TENM2: variants seen among roughly 807,000 people sequenced by gnomAD.
TENM2 encodes teneurin transmembrane protein 2, also known as teneurin-2.
A neutral mutation model predicts 245.2 loss-of-function variants in TENM2; 52 were observed. The ratio of observed to expected loss-of-function variants is 0.21; its 90% CI spans 0.17 to 0.27. TENM2 has a LOEUF of 0.27. TENM2 is among the 10% of genes least tolerant of loss of function. The pLI, the probability that TENM2 is intolerant of heterozygous loss-of-function variation, is 1.00. For synonymous variants in TENM2, 1,363 were observed against 1,438.9 expected (o/e 0.95, Z 1.19); for missense variants, 3,046 against 3,666.8 (o/e 0.83, Z 4.37).
chr5:167,645,714 A>G (rs1779883490), intron 2 of TENM2, among the ~76,000 whole-genome samples: 1 of 151,938 alleles, frequency 6.6e-6, no homozygotes, highest in Non-Finnish European at 1.5e-5. Flanking sequence ...ACAGTATGCT[A>G]TCAATGTTAG....
chr5:167,800,031 C>T (rs1765594375), intron 2 of TENM2, among the ~76,000 whole-genome samples: 1 of 152,170 alleles, frequency 6.6e-6, no homozygotes, highest in Non-Finnish European at 1.5e-5. Flanking sequence ...TCAGTGTTAC[C>T]ACCCAGTGTT....
At chr5:167,901,155 C>T in intron 3 of TENM2, among the ~76,000 whole-genome samples, 1 of 152,024 alleles carries the variant, frequency 6.6e-6, no homozygotes, top group East Asian at 1.9e-4. Context: ...CACTGTTACC[C>T]TTTTGATATA....
chr5:167,376,059 C>T (rs1760730201), intron 2 of TENM2, among the ~76,000 whole-genome samples: 1 of 152,052 alleles, frequency 6.6e-6, no homozygotes, highest in Non-Finnish European at 1.5e-5. Flanking sequence ...TAATGGTTTC[C>T]CCCATCTTCT....
At chr5:168,109,875 A>C (rs1794536349) in intron 9 of TENM2, among the ~76,000 whole-genome samples, 1 of 152,098 alleles carries the variant, frequency 6.6e-6, no homozygotes. Context: ...GTTGCAGTGC[A>C]CATTATTTGG....
chr5:168,068,230 G>A (rs1180440958), intron 7 of TENM2, among the ~76,000 whole-genome samples: 1 of 152,154 alleles, frequency 6.6e-6, no homozygotes, highest in African/African-American at 2.4e-5. Context: ...GGGCACCATG[G>A]ATGTTTTACA....
chr5:167,007,322 A>T, the TENM2 span, among the ~76,000 whole-genome samples: 2 of 152,210 alleles, frequency 1.3e-5, no homozygotes, highest in African/African-American at 2.4e-5. The surrounding 1 kb of genome is among the most constrained non-coding windows in gnomAD (Gnocchi z 4.2). Flanking sequence ...TGCTTACTCC[A>T]AGGAAATATT....
rs556202412 is a variant in TENM2, at chr5:167,631,049, C to T, written c.503-244937C>T. On this transcript the variant is annotated intron_variant, in intron 2 of 28. Transcript: ENST00000518659. ...TGGCAGTTATACATTGAGTGTCTAC[C>T]GTGTGCGATATGCTTGTGCCTTTGG... Among the ~76,000 whole-genome samples the T allele has an allele frequency of 5.9e-5, 9 of 152,168 alleles. No individual in the cohort carries two copies. In the East Asian group the frequency reaches 9.7e-4, roughly 16 times the overall value.
rs75476829 is a variant in TENM2 at position 167,872,574 on chromosome 5, G to GAAAGA, written c.503-3409_503-3405dup. On this transcript the variant is annotated intron_variant, in intron 2 of 28. Coordinates refer to ENST00000518659, the Ensembl canonical transcript of TENM2. ...AGAAAGAAAGAAAGAAAGAAAGAAA[G>GAAAGA]AAAGAAAGAGTATACCATTTGCTGG... Among the ~76,000 whole-genome samples the GAAAGA allele has an allele frequency of 2.5e-4, 10 of 39,330 alleles. 1 individual carries two copies. Among genetic ancestry groups the GAAAGA allele is most frequent in the Non-Finnish European group, 1.1e-3 (9 of 8,050 alleles). The allele number at this position is 39,330 out of a possible 152,430, so 25.8% of individuals were successfully genotyped here.
At chr5:167,374,011 C>G (rs184246596) in intron 1 of TENM2, among the ~76,000 whole-genome samples, 1 of 152,264 alleles carries the variant, frequency 6.6e-6, no homozygotes, top group Non-Finnish European at 1.5e-5. Flanking sequence ...TAAGTGAGGC[C>G]AACTTGTGGC....
chr5:167,338,135 T>G (rs1176347930), intron 1 of TENM2, among the ~76,000 whole-genome samples: 2 of 152,258 alleles, frequency 1.3e-5, no homozygotes, highest in African/African-American at 4.8e-5. Flanking sequence ...GTATCTGGAT[T>G]ATATGCCCAC....
At chr5:168,034,089 A>ATGTG (rs1289242589) in intron 5 of TENM2, among the ~76,000 whole-genome samples, 1 of 141,026 alleles carries the variant, frequency 7.1e-6, no homozygotes, top group Admixed American at 7.1e-5. Context: ...ATACATATAT[A>ATGTG]TGTGTATATA....
At chr5:167,078,918 G>C in the TENM2 span, among the ~76,000 whole-genome samples, 1 of 152,040 alleles carries the variant, frequency 6.6e-6, no homozygotes, top group Non-Finnish European at 1.5e-5. Flanking sequence ...ATGCTTGGGG[G>C]CCATGTTAGA....
At chr5:168,148,863 T>C (rs1756354357) in intron 12 of TENM2, among the ~76,000 whole-genome samples, 1 of 148,380 alleles carries the variant, frequency 6.7e-6, no homozygotes, top group South Asian at 2.2e-4. Context: ...TAAATAAATA[T>C]AAATATATAT....
At chr5:168,197,336 T>C (rs1384679400) in intron 15 of TENM2, among the ~76,000 whole-genome samples, 1 of 152,178 alleles carries the variant, frequency 6.6e-6, no homozygotes, top group Non-Finnish European at 1.5e-5. Context: ...GTTTTTACTG[T>C]GATCCAAGTA....
chr5:167,360,850 A>G (rs753284196), intron 1 of TENM2, among the ~76,000 whole-genome samples: 3 of 152,178 alleles, frequency 2.0e-5, no homozygotes, highest in Non-Finnish European at 4.4e-5. Flanking sequence ...CTATCAAACC[A>G]TAAGTAGTGG....
chr5:167,346,715 C>T (rs140362595), intron 1 of TENM2, among the ~76,000 whole-genome samples: 18 of 152,140 alleles, frequency 1.2e-4, no homozygotes, highest in African/African-American at 3.9e-4. Context: ...CAGTTTTGTA[C>T]GCACAGCAAG....
chr5:167,690,920 AGTATGTGTGT>A (rs1312658053), intron 2 of TENM2, among the ~76,000 whole-genome samples: 2,314 of 136,524 alleles, frequency 0.017, 27 homozygotes, highest in East Asian at 0.04. Context: ...CGTATATGCG[AGTATGTGTGT>A]GTGTGTGTGT....
chr5:167,918,610 A>T (rs898972739), intron 3 of TENM2, among the ~76,000 whole-genome samples: 3 of 152,152 alleles, frequency 2.0e-5, no homozygotes, highest in Non-Finnish European at 4.4e-5. Context: ...ACTGCCAGGG[A>T]GGGAGACAGG....
At chr5:167,259,711 C>A in the TENM2 span, among the ~76,000 whole-genome samples, 1 of 152,092 alleles carries the variant, frequency 6.6e-6, no homozygotes, top group East Asian at 1.9e-4. Context: ...AACTTGAATT[C>A]ATCTTCTCCT....
Sources: allele counts gnomAD v4.1 joint callset (sites outside exome capture counted in the v4.1 genomes callset), GRCh38; gene constraint gnomAD v4.1.1; non-coding constraint Gnocchi (gnomAD v3.1); transcripts MANE v1.5; gene names NCBI Gene and HGNC (gene_info 2026-07-23, HGNC 2026-07-21).